Variants in KCNIP4 observed in about 807,000 individuals in gnomAD.
KCNIP4 encodes Kv channel-interacting protein 4.
A neutral mutation model predicts 34.0 loss-of-function variants in KCNIP4; 12 were observed. The ratio of observed to expected loss-of-function variants is 0.35; its 90% CI spans 0.23 to 0.57. The LOEUF (loss-of-function observed/expected upper bound fraction) is 0.57. Ranked by LOEUF, KCNIP4 falls within the 20% of genes least tolerant of loss-of-function variation. KCNIP4 has a pLI of 0.83. For missense variants in KCNIP4, 238 were observed against 311.7 expected, an observed-to-expected ratio of 0.76 and a Z score of 1.78; for synonymous variants, 124 against 102.2, an observed-to-expected ratio of 1.21 and a Z score of -1.29.
At chr4:20,903,208 A>G (rs1727362430) in intron 1 of KCNIP4, among the ~76,000 whole-genome samples, 1 of 152,224 alleles carries the variant, frequency 6.6e-6, no homozygotes, top group African/African-American at 2.4e-5. Flanking sequence ...CGAGGAATTT[A>G]ACAATGCAAA....
chr4:21,563,973 T>G (rs1347089309), intron 1 of KCNIP4, among the ~76,000 whole-genome samples: 2 of 152,150 alleles, frequency 1.3e-5, no homozygotes, highest in African/African-American at 4.8e-5. Flanking sequence ...TCTTGAATAA[T>G]CATATACCTT....
chr4:20,878,733 G>A (rs1196716072), intron 2 of KCNIP4, among the ~76,000 whole-genome samples: 1 of 152,126 alleles, frequency 6.6e-6, no homozygotes, highest in Admixed American at 6.6e-5. Context: ...TAATAAACAG[G>A]CATTTTGTTT....
At chr4:21,646,650 C>T (rs1021550913) in intron 1 of KCNIP4, among the ~76,000 whole-genome samples, 2 of 152,084 alleles carry the variant, frequency 1.3e-5, no homozygotes, top group African/African-American at 2.4e-5. Context: ...CAAATGCAAG[C>T]GCATGGGACA....
At chr4:21,172,970 C>G (rs929710650) in intron 1 of KCNIP4, among the ~76,000 whole-genome samples, 1 of 152,178 alleles carries the variant, frequency 6.6e-6, no homozygotes, top group Non-Finnish European at 1.5e-5. Context: ...GGACTGCATA[C>G]GGAAGCGGCA....
intron 1 of KCNIP4, among the ~76,000 whole-genome samples, chr4:20,994,718 G>A (rs990183572): frequency 3.9e-5 from 6 of 152,172 alleles, no homozygotes; most frequent in Admixed American, 6.5e-5. Flanking sequence ...TACTGCATAA[G>A]TAGAGAAAGG....
intron 1 of KCNIP4, among the ~76,000 whole-genome samples, chr4:21,314,698 C>A (rs906218573): frequency 2.0e-5 from 3 of 152,182 alleles, no homozygotes; most frequent in Admixed American, 1.3e-4. Context: ...ATTAACAAGT[C>A]ATGGTAACAA....
intron 1 of KCNIP4, among the ~76,000 whole-genome samples, chr4:21,380,339 C>A (rs897895824): frequency 5.3e-5 from 8 of 150,322 alleles, no homozygotes; most frequent in Admixed American, 4.7e-4. Context: ...ACAGCCTCAA[C>A]AACTGGAAAA....
chr4:21,834,398 G>A (rs932639287), intron 1 of KCNIP4, among the ~76,000 whole-genome samples: 1 of 152,118 alleles, frequency 6.6e-6, no homozygotes, highest in African/African-American at 2.4e-5. Context: ...CTGTTTGTCT[G>A]TTGTTGGTGT....
chr4:21,413,373 T>G (rs1314236193), intron 1 of KCNIP4, among the ~76,000 whole-genome samples: 1 of 152,166 alleles, frequency 6.6e-6, no homozygotes, highest in Non-Finnish European at 1.5e-5. Context: ...TGTTTTTAGC[T>G]ACATGAACCA....
intron 1 of KCNIP4, among the ~76,000 whole-genome samples, chr4:21,634,852 G>T (rs982279453): frequency 3.9e-5 from 6 of 152,008 alleles, no homozygotes; most frequent in African/African-American, 1.2e-4. Context: ...TCCCTTTAAA[G>T]AACTCACATT....
chr4:21,541,621 G>T (rs1737699132), intron 1 of KCNIP4, among the ~76,000 whole-genome samples: 1 of 152,058 alleles, frequency 6.6e-6, no homozygotes, highest in African/African-American at 2.4e-5. Flanking sequence ...AAGTCATATA[G>T]TCTTATAAGC....
intron 1 of KCNIP4, among the ~76,000 whole-genome samples, chr4:21,213,013 C>T (rs530704629): frequency 1.1e-4 from 16 of 151,850 alleles, no homozygotes; most frequent in African/African-American, 3.9e-4. Context: ...TTTAGGAGGA[C>T]AAGGATGAAA....
chr4:21,417,109 T>C, intron 1 of KCNIP4, among the ~76,000 whole-genome samples: 1 of 152,180 alleles, frequency 6.6e-6, no homozygotes, highest in Non-Finnish European at 1.5e-5. Flanking sequence ...ATTCTTCTCT[T>C]TCTCAAGAGA....
intron 1 of KCNIP4, among the ~76,000 whole-genome samples, chr4:21,724,965 C>T (rs1715086530): frequency 6.6e-6 from 1 of 152,140 alleles, no homozygotes; most frequent in Admixed American, 6.6e-5. Flanking sequence ...AGTCCTTACT[C>T]TTTCCTTTCT....
At chr4:21,338,106 A>G (rs906940038) in intron 1 of KCNIP4, among the ~76,000 whole-genome samples, 1 of 152,038 alleles carries the variant, frequency 6.6e-6, no homozygotes, top group Non-Finnish European at 1.5e-5. Context: ...AAAAGAAACA[A>G]GGGAGAATGA....
chr4:20,895,351 C>T (rs966400558), intron 1 of KCNIP4, among the ~76,000 whole-genome samples: 9 of 152,126 alleles, frequency 5.9e-5, no homozygotes, highest in Admixed American at 2.0e-4. Context: ...CATCAAATTC[C>T]TGGTGGTATT....
At chr4:20,888,121 T>A (rs1577318932) in intron 1 of KCNIP4, among the ~76,000 whole-genome samples, 1 of 151,822 alleles carries the variant, frequency 6.6e-6, no homozygotes, top group East Asian at 1.9e-4. Context: ...AATAGAGGAA[T>A]TAAAATGAAA....
At chr4:21,573,011 G>C (rs1043327800) in intron 1 of KCNIP4, among the ~76,000 whole-genome samples, 4 of 151,960 alleles carry the variant, frequency 2.6e-5, no homozygotes, top group Admixed American at 6.6e-5. Flanking sequence ...ATTCAGTTTG[G>C]TCTTCATCTT....
At chr4:20,828,732 A>G (rs192802270) in intron 3 of KCNIP4, among the ~76,000 whole-genome samples, 76 of 152,316 alleles carry the variant, frequency 5.0e-4, no homozygotes, top group African/African-American at 1.8e-3. Context: ...TCTTATGCAC[A>G]TTGTTTGTTG....
Sources: gnomAD v4.1 joint callset for allele counts (sites outside exome capture counted in the v4.1 genomes callset) on GRCh38, gnomAD v4.1.1 for gene constraint, MANE v1.5 for transcripts, NCBI Gene and HGNC (gene_info 2026-07-23, HGNC 2026-07-21) for gene names.